HTR1E: variants seen among roughly 807,000 people sequenced by gnomAD.
The protein encoded by HTR1E is 5-hydroxytryptamine receptor 1E.
Under a neutral mutation model 3.4 loss-of-function variants are expected in HTR1E, and 3 were observed. That is an observed-to-expected ratio of 0.89 (90% CI 0.41 to 2.31). HTR1E has a LOEUF of 2.31. Among genes scored for constraint, HTR1E ranks in the 30% most tolerant of loss-of-function variants. The probability of loss-of-function intolerance (pLI) is 0.05; values close to 1 mark genes in which losing one functional copy is unlikely to be tolerated. For synonymous variants in HTR1E, 170 were observed against 182.8 expected, an observed-to-expected ratio of 0.93 and a Z score of 0.56; for missense variants, 392 against 467.0, an observed-to-expected ratio of 0.84 and a Z score of 1.48.
chr6:86,953,760 T>C (rs763356300), intron 1 of HTR1E, among the ~76,000 whole-genome samples: 15 of 152,320 alleles, frequency 9.8e-5, no homozygotes, highest in Admixed American at 2.0e-4. Context: ...CTGGGTAATA[T>C]ATAAAGAAAA....
intron 1 of HTR1E, among the ~76,000 whole-genome samples, chr6:86,969,521 T>C (rs553392925): frequency 6.6e-6 from 1 of 152,346 alleles, no homozygotes; most frequent in African/African-American, 2.4e-5. Flanking sequence ...TTCCGCCATG[T>C]ACTTCCAAGA....
At chr6:86,959,477 G>A (rs550588648) in intron 1 of HTR1E, among the ~76,000 whole-genome samples, 9 of 152,192 alleles carry the variant, frequency 5.9e-5, no homozygotes, top group African/African-American at 2.2e-4. Context: ...CAGCTATTCA[G>A]GAGGCAGAGG....
intron 1 of HTR1E, among the ~76,000 whole-genome samples, chr6:87,010,364 G>GA: frequency 8.5e-6 from 1 of 117,278 alleles, no homozygotes. Flanking sequence ...CGGGCGGGGG[G>GA]CTGACCCCCC....
In HTR1E at chr6:86,992,268, A is replaced by G. The variant is rs149773158; in HGVS notation, c.-185-22882A>G. ...CTTTCTACAAAAGCTTTATGTAGAT[A>G]GGGAAAATTACTTGTATAACTTGCC... On this transcript the variant is annotated intron_variant, in intron 1 of 1. Coordinates refer to ENST00000305344, the MANE Select transcript of HTR1E (RefSeq NM_000865.3). 5.7e-4 allele frequency among the ~76,000 whole-genome samples: 87 copies of G among 152,360 alleles called. 1 individual carries two copies. The highest frequency in any genetic ancestry group is 2.1e-3 in the African/African-American group (86 of 41,594).
chr6:86,999,455 C>T (rs907376548), intron 1 of HTR1E, among the ~76,000 whole-genome samples: 4 of 152,056 alleles, frequency 2.6e-5, no homozygotes, highest in African/African-American at 9.7e-5. Context: ...AATGGGGAGA[C>T]CTCACTGAGG....
At chr6:86,951,034 TC>T (rs1767232680) in intron 1 of HTR1E, among the ~76,000 whole-genome samples, 1 of 152,198 alleles carries the variant, frequency 6.6e-6, no homozygotes, top group African/African-American at 2.4e-5. Context: ...GGAGGAGTGT[TC>T]AATGCCTCAT....
At chr6:87,004,556 T>A (rs567179054) in intron 1 of HTR1E, among the ~76,000 whole-genome samples, 2 of 152,238 alleles carry the variant, frequency 1.3e-5, no homozygotes, top group South Asian at 4.1e-4. Flanking sequence ...CCTTCATGAT[T>A]GATAACCCTA....
At chr6:86,986,872 C>CG (rs1213122714) in intron 1 of HTR1E, among the ~76,000 whole-genome samples, 2 of 151,908 alleles carry the variant, frequency 1.3e-5, no homozygotes, top group African/African-American at 2.4e-5. Context: ...AGAAAGTTCA[C>CG]GGGGGGTAAG....
At chr6:87,010,354 CG>C (rs1298506113) in intron 1 of HTR1E, among the ~76,000 whole-genome samples, 2 of 112,802 alleles carry the variant, frequency 1.8e-5, no homozygotes, top group Non-Finnish European at 3.6e-5. Flanking sequence ...GGCGGCTGGC[CG>C]GGCGGGGGGC....
At chr6:87,002,225 T>C (rs541929453) in intron 1 of HTR1E, among the ~76,000 whole-genome samples, 1 of 152,274 alleles carries the variant, frequency 6.6e-6, no homozygotes, top group South Asian at 2.1e-4. Flanking sequence ...GTTTGTTACT[T>C]CAGATGTTCA....
intron 1 of HTR1E, among the ~76,000 whole-genome samples, chr6:86,973,435 A>T (rs2127823582): frequency 6.6e-6 from 1 of 152,124 alleles, no homozygotes; most frequent in East Asian, 1.9e-4. Flanking sequence ...TGCTGATTAC[A>T]GCTATACCCC....
chr6:87,009,738 G>A (rs1429735851), intron 1 of HTR1E, among the ~76,000 whole-genome samples: 4 of 145,112 alleles, frequency 2.8e-5, no homozygotes, highest in South Asian at 2.2e-4. Flanking sequence ...CCGGGCAGAG[G>A]GGCTCCTCAC....
At chr6:86,947,457 G>C (rs2127816772) in intron 1 of HTR1E, among the ~76,000 whole-genome samples, 1 of 151,924 alleles carries the variant, frequency 6.6e-6, no homozygotes, top group South Asian at 2.1e-4. Context: ...CCACTTTAAG[G>C]GATTTTTTTT....
intron 1 of HTR1E, among the ~76,000 whole-genome samples, chr6:86,948,108 C>G (rs1767152002): frequency 1.3e-5 from 2 of 152,156 alleles, no homozygotes; most frequent in African/African-American, 4.8e-5. Flanking sequence ...TGTTCAACTC[C>G]CACTTATGAG....
At chr6:86,969,609 C>T (rs1157639425) in intron 1 of HTR1E, among the ~76,000 whole-genome samples, 1 of 152,172 alleles carries the variant, frequency 6.6e-6, no homozygotes. Context: ...GTCTCTTTCA[C>T]CTCTGTTGTG....
At chr6:86,938,453 G>A (rs1582251126) in intron 1 of HTR1E, among the ~76,000 whole-genome samples, 1 of 152,240 alleles carries the variant, frequency 6.6e-6, no homozygotes, top group East Asian at 1.9e-4. Context: ...AATACTGCAA[G>A]GTGAGAGGCT....
At chr6:86,972,757 C>T (rs970370353) in intron 1 of HTR1E, among the ~76,000 whole-genome samples, 5 of 152,016 alleles carry the variant, frequency 3.3e-5, no homozygotes, top group African/African-American at 9.7e-5. Flanking sequence ...AGTGTGTATG[C>T]GAGTTGGGGG....
At chr6:86,939,460 C>T (rs979311641) in intron 1 of HTR1E, among the ~76,000 whole-genome samples, 1 of 152,204 alleles carries the variant, frequency 6.6e-6, no homozygotes, top group African/African-American at 2.4e-5. Context: ...GTCATCATCA[C>T]CTGACATGGG....
chr6:86,948,871 G>T (rs1218926296), intron 1 of HTR1E, among the ~76,000 whole-genome samples: 1 of 152,182 alleles, frequency 6.6e-6, no homozygotes, highest in Non-Finnish European at 1.5e-5. Flanking sequence ...AGGAACTGCA[G>T]GGACCCAACA....
Sources: gnomAD v4.1 joint callset for allele counts (sites outside exome capture counted in the v4.1 genomes callset) on GRCh38, gnomAD v4.1.1 for gene constraint, MANE v1.5 for transcripts, NCBI Gene and HGNC (gene_info 2026-07-23, HGNC 2026-07-21) for gene names.